The following DZIP1 variants were observed in gnomAD, a reference collection of about 807,000 sequenced individuals.
The protein encoded by DZIP1 is cilium assembly protein DZIP1.
Under a neutral mutation model 107.6 loss-of-function variants are expected in DZIP1, and 97 were observed. The observed-to-expected ratio is 0.90, with a 90% CI of 0.77 to 1.07. DZIP1 has a LOEUF of 1.07. DZIP1 is among the 50% of genes least tolerant of loss of function. DZIP1 has a pLI of 0.00. For synonymous variants in DZIP1, 390 were observed against 386.4 expected, an observed-to-expected ratio of 1.01 and a Z score of -0.11; for missense variants, 1,035 against 1,063.6, an observed-to-expected ratio of 0.97 and a Z score of 0.37.
chr13:95,609,640 C>T (rs192252042), intron 12 of DZIP1, 127 bp from the exon 13 acceptor site: 4 of 493,400 alleles, frequency 8.1e-6, no homozygotes, highest in Admixed American at 8.5e-5. Context: ...TAGCACATCA[C>T]CAGGAGAATA....
In DZIP1 at chr13:95,590,386, G is replaced by C. The variant is rs778707223; in HGVS notation, c.1736C>G (p.Ser579Ter). ...TTCTCTTTCTTGCTTATGTCTTTCT[G>C]ATTCCACACTTTTTAGTACTCTATG... ...QLHRVLKSVE[S>*]ERHKQEREIP... The change falls in exon 17 of 23, where the codon TCA (serine) becomes TGA (stop). Residue 579 changes from serine (S) to a stop codon, truncating the protein, a stop_gained. Coordinates refer to ENST00000376829, the MANE Select transcript of DZIP1 (RefSeq NM_198968.4). LOFTEE classifies it high-confidence loss of function. The C allele has an allele frequency of 1.9e-6, 3 of 1,613,638 alleles. No individual in the cohort carries two copies. The Admixed American group carries it at 5.0e-5, about 27-fold the overall frequency.
chr13:95,596,235 C>T (rs2044454182), intron 15 of DZIP1, among the ~76,000 whole-genome samples: 1 of 152,114 alleles, frequency 6.6e-6, no homozygotes, highest in Non-Finnish European at 1.5e-5. Flanking sequence ...ACATATTGCT[C>T]ACCAAGACCA....
intron 10 of DZIP1, among the ~76,000 whole-genome samples, chr13:95,616,943 C>T (rs1034860304): frequency 1.1e-4 from 16 of 152,102 alleles, no homozygotes; most frequent in Non-Finnish European, 4.4e-5. Flanking sequence ...CATGGTGGCT[C>T]ACGCCTGTAA....
At chr13:95,639,941 C>CACT (rs1197247009) in intron 5 of DZIP1, among the ~76,000 whole-genome samples, 1 of 151,910 alleles carries the variant, frequency 6.6e-6, no homozygotes, top group Non-Finnish European at 1.5e-5. Context: ...CAAGACCAAA[C>CACT]ACTAAGTCCT....
At chr13:95,610,111 T>TGTGTGTGTGAGAGA (rs368276400) in intron 12 of DZIP1, among the ~76,000 whole-genome samples, 5 of 126,666 alleles carry the variant, frequency 3.9e-5, no homozygotes, top group African/African-American at 1.5e-4. Context: ...TGTGTGTGTG[T>TGTGTGTGTGAGAGA]GAGAGAGAGA....
chr13:95,599,178 C>T (rs2044542525), intron 15 of DZIP1, among the ~76,000 whole-genome samples, 187 bp downstream of exon 15: 1 of 151,936 alleles, frequency 6.6e-6, no homozygotes, highest in African/African-American at 2.4e-5. Context: ...CAGGGGAAAA[C>T]AGAACAGAAT....
chr13:95,619,735 T>TC lies in DZIP1; in HGVS notation c.1173+149_1173+150insG, dbSNP rs200874371. The stretch of plus-strand genomic sequence containing the variant: ...TATAAGAAAGTAGTAGCAGTGGTTA[T>TC]TTTGGTGTTAGAATTATAGGTAATT... On this transcript the variant is annotated intron_variant, in intron 10 of 22. Coordinates refer to ENST00000376829, the MANE Select transcript of DZIP1 (RefSeq NM_198968.4). 1.4e-3 allele frequency: 948 copies of TC among 680,086 alleles called. 12 individuals carry two copies. The African/African-American group carries it at 0.015, about 11-fold the overall frequency. The allele number at this position is 680,086 out of a possible 1,614,324, so 42.1% of individuals were successfully genotyped here.
At position 95,579,205 on chromosome 13, in the gene DZIP1, G is replaced by A. The variant is rs1173448954; in HGVS notation, c.*3029C>T. On this transcript the variant is annotated 3_prime_UTR_variant, in exon 23 of 23. Coordinates refer to ENST00000376829, the MANE Select transcript of DZIP1 (RefSeq NM_198968.4). Reference sequence around the variant, plus strand: ...GCCTCACTCAGAACTGACGGGCCGAGTTCTATCTAGGTGTGTCTTCCAGAA... The same window carrying A: ...GCCTCACTCAGAACTGACGGGCCGAATTCTATCTAGGTGTGTCTTCCAGAA... 6.6e-6 allele frequency: 1 copy of A among 152,200 alleles called. No homozygotes were observed. Among genetic ancestry groups the A allele is most frequent in the Non-Finnish European group, 1.5e-5 (1 of 68,032 alleles). 9.4% of individuals were successfully genotyped at this position (152,200 alleles called of 1,614,324 possible).
chr13:95,593,739 A>G (rs2044371445), intron 16 of DZIP1, among the ~76,000 whole-genome samples: 1 of 152,218 alleles, frequency 6.6e-6, no homozygotes, highest in South Asian at 2.1e-4. Context: ...TGTTTAAATG[A>G]GTTAATATTT....
At chr13:95,619,779 T>G (rs1212809037) in intron 10 of DZIP1, 106 bp downstream of exon 10, 1 of 1,094,704 alleles carries the variant, frequency 9.1e-7, no homozygotes, top group East Asian at 2.4e-5. Context: ...GCTACACATT[T>G]CTCCCCAAAT....
chr13:95,630,849 C>G (rs1165451964), intron 6 of DZIP1: 1 of 744,172 alleles, frequency 1.3e-6, no homozygotes, highest in Admixed American at 2.4e-5. Context: ...GTCTGAAACC[C>G]TCTCTGAAAC....
intron 5 of DZIP1, among the ~76,000 whole-genome samples, chr13:95,640,676 T>G (rs1443142875): frequency 6.6e-6 from 1 of 152,240 alleles, no homozygotes; most frequent in Non-Finnish European, 1.5e-5. Context: ...GATAAAAATA[T>G]TTTATTCTTT....
chr13:95,615,125 A>G (rs1243589655), intron 10 of DZIP1, among the ~76,000 whole-genome samples: 1 of 152,138 alleles, frequency 6.6e-6, no homozygotes, highest in Admixed American at 6.5e-5. Context: ...CCACATACCT[A>G]GTATGTGAGG....
chr13:95,601,150 G>A (rs1038669105), intron 14 of DZIP1, among the ~76,000 whole-genome samples: 1 of 152,164 alleles, frequency 6.6e-6, no homozygotes, highest in African/African-American at 2.4e-5. Flanking sequence ...AGGTTCTGAT[G>A]TGTTTCCCTC....
intron 6 of DZIP1, among the ~76,000 whole-genome samples, chr13:95,632,201 A>C (rs1877273878): frequency 6.6e-6 from 1 of 151,984 alleles, no homozygotes; most frequent in South Asian, 2.1e-4. Flanking sequence ...TGATTCCCAG[A>C]TTTAAATCTC....
chr13:95,637,223 T>G (rs1347369840), intron 5 of DZIP1: 1 of 152,050 alleles, frequency 6.6e-6, no homozygotes, highest in Non-Finnish European at 1.5e-5. Context: ...AGAATGGAGA[T>G]GTTGAGGTGA....
At chr13:95,624,965 G>C in intron 7 of DZIP1, 36 bp from the exon 8 acceptor site, 2 of 1,530,002 alleles carry the variant, frequency 1.3e-6, no homozygotes, top group Non-Finnish European at 1.8e-6. Flanking sequence ...TAAAAGTTCT[G>C]GTCTGAAGAA....
intron 19 of DZIP1, 145 bp from the exon 20 acceptor site, chr13:95,587,874 T>C: frequency 3.0e-6 from 3 of 1,013,090 alleles, no homozygotes; most frequent in Non-Finnish European, 4.2e-6. Context: ...ATGGCCAAGA[T>C]GGCGGCGAGG....
chr13:95,596,728 T>C (rs2044467142), intron 15 of DZIP1, among the ~76,000 whole-genome samples: 2 of 152,210 alleles, frequency 1.3e-5, no homozygotes, highest in Admixed American at 1.3e-4. Context: ...TCTATAAAAC[T>C]GCAAGATCAA....
Sources: allele counts gnomAD v4.1 joint callset (sites outside exome capture counted in the v4.1 genomes callset), GRCh38; gene constraint gnomAD v4.1.1; transcripts MANE v1.5; gene names NCBI Gene and HGNC (gene_info 2026-07-23, HGNC 2026-07-21).